AFG3L2: variants seen among roughly 807,000 people sequenced by gnomAD.
The protein encoded by AFG3L2 is AFG3 like matrix AAA peptidase subunit 2.
AFG3L2 carries 54 observed loss-of-function variants against 94.5 expected under a neutral mutation model. The observed-to-expected ratio is 0.57, with a 90% CI of 0.46 to 0.72. AFG3L2 has a LOEUF of 0.72. Among genes scored for constraint, AFG3L2 ranks in the 30% least tolerant of loss-of-function variants. The pLI, the probability that AFG3L2 is intolerant of heterozygous loss-of-function variation, is 0.00. For synonymous variants in AFG3L2, 377 were observed against 365.5 expected, an observed-to-expected ratio of 1.03 and a Z score of -0.36; for missense variants, 754 against 994.9, an observed-to-expected ratio of 0.76 and a Z score of 3.26.
chr18:12,344,351 G>A, intron 13 of AFG3L2, 104 bp from the exon 14 acceptor site: 1 of 946,440 alleles, frequency 1.1e-6, no homozygotes, highest in Non-Finnish European at 1.7e-6. Context: ...AATGGGGTTT[G>A]GAGACTGAGC....
chr18:12,342,300 T>C (rs1907978160), intron 14 of AFG3L2: 1 of 152,204 alleles, frequency 6.6e-6, no homozygotes, highest in South Asian at 2.1e-4. Flanking sequence ...AATTTGCATG[T>C]CCCTGATAAA....
rs531926584 is a variant in AFG3L2 at position 12,339,066 on chromosome 18, A to G, written c.1980+1135T>C. Among the ~76,000 whole-genome samples the G allele has an allele frequency of 7.3e-5, 11 of 151,636 alleles. No individual in the cohort carries two copies. In the South Asian group the frequency reaches 2.3e-3, roughly 32 times the overall value. On this transcript the variant is annotated intron_variant, in intron 15 of 16. Coordinates refer to ENST00000269143, the MANE Select transcript of AFG3L2 (RefSeq NM_006796.3). The stretch of plus-strand genomic sequence containing the variant: ...TCAGGAGACAAGACCATCCTGGCTA[A>G]CACAGTGAAATGCCTGCCTCTACTA...
intron 14 of AFG3L2, 97 bp downstream of exon 14, chr18:12,344,035 T>C: frequency 3.6e-6 from 4 of 1,115,816 alleles, no homozygotes; most frequent in Non-Finnish European, 5.4e-6. Flanking sequence ...GCCTTGTTTC[T>C]TTCTCCTTTG....
At chr18:12,360,574 G>A (rs772854377) in intron 6 of AFG3L2, among the ~76,000 whole-genome samples, 27 of 152,216 alleles carry the variant, frequency 1.8e-4, no homozygotes, top group African/African-American at 6.5e-4. Context: ...TCCGAGCACC[G>A]CACCCCACTG....
Position 12,370,884 on chromosome 18 carries a change from GC to G in AFG3L2, c.256del (p.Ala86LeufsTer99), listed in dbSNP as rs1292626069. The G allele has an allele frequency of 6.3e-7, 1 of 1,586,598 alleles. No individual in the cohort carries two copies. The highest frequency in any genetic ancestry group is 8.6e-7 in the Non-Finnish European group (1 of 1,158,152). On this transcript the variant is annotated frameshift_variant, in exon 3 of 17. Transcript: ENST00000269143. LOFTEE classifies it high-confidence loss of function. ...TCCCATAACTTCTTTAGGTTCACTA[GC>G]TTTTTTTCCATTTTTTCCATTAGGA... Reference protein sequence around the residue: ...YFPNGKNGKKASEPKEVMGEK... With the variant: ...YFPNGKNGKKXSEPKEVMGEK...
chr18:12,337,695 C>G (rs1184560551), intron 15 of AFG3L2, among the ~76,000 whole-genome samples, 160 bp from the exon 16 acceptor site: 1 of 152,196 alleles, frequency 6.6e-6, no homozygotes, highest in Non-Finnish European at 1.5e-5. Context: ...ACTAGAAACA[C>G]AGAGCCAGAA....
At chr18:12,373,952 C>A (rs1303709256) in intron 1 of AFG3L2, among the ~76,000 whole-genome samples, 5 of 152,154 alleles carry the variant, frequency 3.3e-5, no homozygotes, top group Non-Finnish European at 7.4e-5. Flanking sequence ...GAACAAATTT[C>A]AACATGAGTT....
At chr18:12,331,846 TATATATATATATATAA>T (rs1276748553) in intron 16 of AFG3L2, among the ~76,000 whole-genome samples, 1 of 5,104 alleles carries the variant, frequency 2.0e-4, no homozygotes, top group African/African-American at 3.1e-4. Flanking sequence ...TATATATATA[TATATATATATATATAA>T]AACAAGGGCA....
intron 8 of AFG3L2, among the ~76,000 whole-genome samples, chr18:12,358,147 C>T (rs1396026315): frequency 1.3e-5 from 2 of 152,204 alleles, no homozygotes; most frequent in Non-Finnish European, 2.9e-5. Flanking sequence ...ATGCTCCACG[C>T]CTAGCCCTAG....
At chr18:12,364,589 T>C (rs1299529438) in intron 5 of AFG3L2, among the ~76,000 whole-genome samples, 3 of 152,240 alleles carry the variant, frequency 2.0e-5, no homozygotes, top group Non-Finnish European at 4.4e-5. Flanking sequence ...CATTTGGTAG[T>C]ATAAGACTTC....
chr18:12,355,673 AT>A (rs71369929), intron 9 of AFG3L2, among the ~76,000 whole-genome samples: 2,756 of 145,150 alleles, frequency 0.019, 61 homozygotes, highest in African/African-American at 0.057. Context: ...CGATTTACAT[AT>A]TTTTTTTTTT....
At chr18:12,350,558 T>G (rs1908283657) in intron 12 of AFG3L2, among the ~76,000 whole-genome samples, 2 of 152,216 alleles carry the variant, frequency 1.3e-5, no homozygotes, top group Non-Finnish European at 2.9e-5. Context: ...CAGATGTGAA[T>G]TAGTAATTGT....
At chr18:12,342,169 T>C (rs1030033748) in intron 14 of AFG3L2, 11 of 152,192 alleles carry the variant, frequency 7.2e-5, no homozygotes, top group African/African-American at 2.4e-4. Context: ...CCCGGCCCCA[T>C]TTTACATTCC....
At chr18:12,357,675 G>C (rs1474331199) in intron 8 of AFG3L2, among the ~76,000 whole-genome samples, 6 of 151,872 alleles carry the variant, frequency 4.0e-5, no homozygotes, top group Non-Finnish European at 8.8e-5. Flanking sequence ...TCGGCTCACT[G>C]CAACCTCCAC....
At chr18:12,350,770 T>A (rs555932465) in intron 12 of AFG3L2, among the ~76,000 whole-genome samples, 2 of 152,158 alleles carry the variant, frequency 1.3e-5, no homozygotes, top group South Asian at 4.2e-4. Context: ...ACATAATAAG[T>A]AAGACCCTGT....
chr18:12,331,813 ATATATATATAT>A (rs1907538088), intron 16 of AFG3L2, among the ~76,000 whole-genome samples: 15 of 3,024 alleles, frequency 5.0e-3, no homozygotes, highest in Admixed American at 0.015. Context: ...AAATAAATAT[ATATATATATAT>A]ATATATATAT....
intron 2 of AFG3L2, 45 bp downstream of exon 2, chr18:12,371,547 C>A: frequency 6.5e-7 from 1 of 1,546,606 alleles, no homozygotes; most frequent in East Asian, 2.2e-5. Context: ...GACAAAAGAC[C>A]CAACCTAAGA....
chr18:12,355,967 C>T (rs1044392099), intron 9 of AFG3L2, among the ~76,000 whole-genome samples: 3 of 152,040 alleles, frequency 2.0e-5, no homozygotes, highest in African/African-American at 7.2e-5. Context: ...CCACCACGCC[C>T]GGCCACGATT....
Position 12,358,813 on chromosome 18 carries a change from T to C in AFG3L2, c.883A>G (p.Thr295Ala). 6.2e-7 allele frequency: 1 copy of C among 1,614,234 alleles called. No individual in the cohort carries two copies. Among genetic ancestry groups the C allele is most frequent in the Non-Finnish European group, 8.5e-7 (1 of 1,180,046 alleles). The part of the protein sequence containing the change: ...MGGLFSVGET[T>A]AKVLKDEIDV... ...ATTTCATCCTTTAAGACCTTGGCAG[T>C]GGTTTCTCCGACACTGAAGAGTCCG... is the stretch of plus-strand genomic sequence containing the variant. The change falls in exon 8 of 17, where the codon ACT becomes GCT. Residue 295 changes from threonine (T) to alanine (A), a missense_variant. This residue lies in a region of AFG3L2 where 130 missense variants were observed against 175.1 expected (regional missense o/e 0.74). Coordinates refer to ENST00000269143, the MANE Select transcript of AFG3L2 (RefSeq NM_006796.3).
Sources: gnomAD v4.1 joint callset for allele counts (sites outside exome capture counted in the v4.1 genomes callset) on GRCh38, gnomAD v4.1.1 for gene constraint, gnomAD v4.1.1 regional missense constraint, MANE v1.5 for transcripts, NCBI Gene and HGNC (gene_info 2026-07-23, HGNC 2026-07-21) for gene names.